The following MBOAT2 variants were observed in gnomAD, a reference collection of about 807,000 sequenced individuals.
The protein encoded by MBOAT2 is membrane bound glycerophospholipid O-acyltransferase 2, also known as membrane-bound glycerophospholipid O-acyltransferase 2.
A neutral mutation model predicts 63.4 loss-of-function variants in MBOAT2; 28 were observed. That is an observed-to-expected ratio of 0.44 (90% CI 0.33 to 0.61). The LOEUF (loss-of-function observed/expected upper bound fraction) is 0.61. Ranked by LOEUF, MBOAT2 falls within the 20% of genes least tolerant of loss-of-function variation. The pLI, the probability that MBOAT2 is intolerant of heterozygous loss-of-function variation, is 0.03. For synonymous variants in MBOAT2, 211 were observed against 215.6 expected (o/e 0.98, Z 0.19); for missense variants, 470 against 605.8 (o/e 0.78, Z 2.35).
intron 1 of MBOAT2, among the ~76,000 whole-genome samples, chr2:8,998,484 T>A (rs757963822): frequency 1.3e-5 from 2 of 152,168 alleles, no homozygotes; most frequent in Non-Finnish European, 2.9e-5. Flanking sequence ...TGTTTCTTCA[T>A]CTATAAAATG....
intron 3 of MBOAT2, among the ~76,000 whole-genome samples, chr2:8,937,255 C>T (rs186156651): frequency 1.6e-3 from 251 of 152,280 alleles, no homozygotes; most frequent in African/African-American, 5.9e-3. Context: ...GAGGCAGGGG[C>T]CATGGCTGGG....
intron 3 of MBOAT2, among the ~76,000 whole-genome samples, chr2:8,914,707 G>C (rs1474382848): frequency 6.6e-6 from 1 of 152,058 alleles, no homozygotes; most frequent in Non-Finnish European, 1.5e-5. Context: ...CTAGCCACAT[G>C]TAGTTACTGA....
chr2:8,871,326 T>C (rs1332427816), intron 8 of MBOAT2, among the ~76,000 whole-genome samples: 2 of 152,178 alleles, frequency 1.3e-5, no homozygotes, highest in Non-Finnish European at 2.9e-5. Context: ...TTTTTACATA[T>C]TTACAGAGAT....
intron 4 of MBOAT2, among the ~76,000 whole-genome samples, chr2:8,893,504 TA>T (rs1428832914): frequency 6.6e-6 from 1 of 152,214 alleles, no homozygotes; most frequent in African/African-American, 2.4e-5. Flanking sequence ...TTAAATTCAA[TA>T]GTATCTGAGA....
intron 3 of MBOAT2, among the ~76,000 whole-genome samples, chr2:8,925,552 C>T (rs1029337183): frequency 6.6e-6 from 1 of 152,198 alleles, no homozygotes; most frequent in African/African-American, 2.4e-5. Context: ...AGAAAAGGTA[C>T]ACTCTCTAGT....
chr2:8,935,282 C>T (rs1035020011), intron 3 of MBOAT2, among the ~76,000 whole-genome samples: 3 of 152,054 alleles, frequency 2.0e-5, no homozygotes, highest in Non-Finnish European at 4.4e-5. Flanking sequence ...AACCAAAATC[C>T]AGCCAAAAAA....
intron 3 of MBOAT2, among the ~76,000 whole-genome samples, chr2:8,925,516 T>C (rs1666871246): frequency 6.6e-6 from 1 of 152,326 alleles, no homozygotes; most frequent in African/African-American, 2.4e-5. Flanking sequence ...TGAGCTGTCA[T>C]AGCCTCTTAG....
chr2:8,894,053 C>T (rs1451398621), intron 4 of MBOAT2, among the ~76,000 whole-genome samples: 1 of 152,072 alleles, frequency 6.6e-6, no homozygotes, highest in Non-Finnish European at 1.5e-5. Flanking sequence ...CTGCACCCAT[C>T]AACCCCTCAT....
At chr2:8,999,490 C>G (rs1039524445) in intron 1 of MBOAT2, among the ~76,000 whole-genome samples, 15 of 152,202 alleles carry the variant, frequency 9.9e-5, no homozygotes, top group African/African-American at 3.6e-4. Context: ...TAAAAACACT[C>G]TAAAAAATAG....
chr2:8,876,999 T>TA (rs748220264), intron 7 of MBOAT2, 31 bp downstream of exon 7: 4 of 1,570,942 alleles, frequency 2.5e-6, no homozygotes, highest in Non-Finnish European at 3.4e-6. Flanking sequence ...ATACATGCTG[T>TA]AAAGGCTCCA....
rs557802061 is a variant in MBOAT2 at position 8,856,911 on chromosome 2, C to T, written c.*1768G>A. 15 of 152,258 alleles carry T rather than the reference C, an allele frequency of 9.9e-5. No homozygotes were observed. Among genetic ancestry groups the T allele is most frequent in the Middle Eastern group, 3.4e-3 (1 of 294 alleles). The allele number at this position is 152,258 out of a possible 1,614,324, so 9.4% of individuals were successfully genotyped here. A position where few individuals can be genotyped will look rare whatever the true frequency, so the allele number is the denominator to read the frequency against. On this transcript the variant is annotated 3_prime_UTR_variant, in exon 13 of 13. Coordinates refer to ENST00000305997, the MANE Select transcript of MBOAT2 (RefSeq NM_138799.4). The surrounding 1 kb of genome is among the most constrained non-coding windows in gnomAD (Gnocchi z 4.2). Reference sequence around the variant, plus strand: ...AAATTTATTTAGTTATCAATCCTTTCCTGGGTAGGGTTAGCCTTATCAGCC... The same window carrying T: ...AAATTTATTTAGTTATCAATCCTTTTCTGGGTAGGGTTAGCCTTATCAGCC...
intron 3 of MBOAT2, among the ~76,000 whole-genome samples, chr2:8,914,300 C>CA (rs1281047687): frequency 6.6e-6 from 1 of 151,516 alleles, no homozygotes. Flanking sequence ...AACGAACAAA[C>CA]AAAAAAACAA....
intron 3 of MBOAT2, among the ~76,000 whole-genome samples, chr2:8,935,837 T>A (rs538759283): frequency 6.6e-6 from 1 of 152,346 alleles, no homozygotes; most frequent in East Asian, 1.9e-4. Flanking sequence ...AATCAATCAC[T>A]AAGGCCACCC....
chr2:8,995,355 A>G (rs961127250), intron 1 of MBOAT2, among the ~76,000 whole-genome samples: 11 of 152,368 alleles, frequency 7.2e-5, no homozygotes, highest in South Asian at 2.1e-4. Flanking sequence ...CATTTTCTAC[A>G]TATGAGATTA....
At position 8,853,884 on chromosome 2, in the gene MBOAT2, T is replaced by C. The variant is rs1164815821; in HGVS notation, c.*4795A>G. On this transcript the variant is annotated 3_prime_UTR_variant, in exon 13 of 13. Coordinates refer to ENST00000305997, the MANE Select transcript of MBOAT2 (RefSeq NM_138799.4). Reference sequence around the variant, plus strand: ...TCACAAAATTTCCCAGTCAATGGCCTATGGAACGTGTCAGTTCTTTATTGG... The same window carrying C: ...TCACAAAATTTCCCAGTCAATGGCCCATGGAACGTGTCAGTTCTTTATTGG... The C allele has an allele frequency of 6.6e-6, 1 of 152,228 alleles. No individual in the cohort carries two copies. The highest frequency in any genetic ancestry group is 1.5e-5 in the Non-Finnish European group (1 of 68,038). The allele number at this position is 152,228 out of a possible 1,614,324, so 9.4% of individuals were successfully genotyped here.
intron 3 of MBOAT2, among the ~76,000 whole-genome samples, chr2:8,935,811 A>C (rs1367282088): frequency 6.6e-6 from 1 of 152,252 alleles, no homozygotes. Context: ...ATCTGACTCC[A>C]ACCAGTGCCC....
At chr2:8,889,755 T>G (rs1243195849) in intron 4 of MBOAT2, among the ~76,000 whole-genome samples, 1 of 152,172 alleles carries the variant, frequency 6.6e-6, no homozygotes, top group Non-Finnish European at 1.5e-5. Context: ...ATAAAATAAT[T>G]ATTACATTTA....
At chr2:8,875,212 T>C (rs1662621727) in intron 7 of MBOAT2, among the ~76,000 whole-genome samples, 1 of 152,280 alleles carries the variant, frequency 6.6e-6, no homozygotes, top group African/African-American at 2.4e-5. Context: ...CAAATGCCCC[T>C]TGAGGGACTT....
chr2:8,977,314 G>A (rs1160615490), intron 1 of MBOAT2, among the ~76,000 whole-genome samples: 1 of 151,998 alleles, frequency 6.6e-6, no homozygotes, highest in Non-Finnish European at 1.5e-5. Context: ...CTCTCAGAAG[G>A]GTATTTCATT....
Sources: gnomAD v4.1 joint callset for allele counts (sites outside exome capture counted in the v4.1 genomes callset) on GRCh38, gnomAD v4.1.1 for gene constraint, Gnocchi (gnomAD v3.1) non-coding constraint, MANE v1.5 for transcripts, NCBI Gene and HGNC (gene_info 2026-07-23, HGNC 2026-07-21) for gene names.